XPO4: variants seen among roughly 807,000 people sequenced by gnomAD.
The protein encoded by XPO4 is exportin 4.
A neutral mutation model predicts 143.0 loss-of-function variants in XPO4; 39 were observed. The observed-to-expected ratio is 0.27, with a 90% CI of 0.21 to 0.36. XPO4 has a LOEUF of 0.36. Among genes scored for constraint, XPO4 ranks in the 10% least tolerant of loss-of-function variants. The probability of loss-of-function intolerance (pLI) is 1.00; values close to 1 mark genes in which losing one functional copy is unlikely to be tolerated. For synonymous variants in XPO4, 439 were observed against 474.0 expected (o/e 0.93, Z 0.96); for missense variants, 907 against 1,348.0 (o/e 0.67, Z 5.12).
At chr13:20,862,592 TG>T in intron 3 of XPO4, 124 bp downstream of exon 3, 1 of 1,198,548 alleles carries the variant, frequency 8.3e-7, no homozygotes, top group Non-Finnish European at 1.2e-6. Context: ...CCTCCCAAAG[TG>T]GAGATTATAG....
chr13:20,808,830 A>G (rs553848752), intron 11 of XPO4, among the ~76,000 whole-genome samples: 4 of 152,204 alleles, frequency 2.6e-5, no homozygotes, highest in Admixed American at 2.6e-4. Flanking sequence ...GGTTATTCCA[A>G]GTTTTTACTG....
At chr13:20,890,444 T>C (rs2060501020) in intron 1 of XPO4, among the ~76,000 whole-genome samples, 1 of 150,580 alleles carries the variant, frequency 6.6e-6, no homozygotes, top group South Asian at 2.1e-4. Context: ...AGCAAGACTC[T>C]GTCTAAAAAA....
At chr13:20,882,479 A>C (rs759184657) in intron 1 of XPO4, among the ~76,000 whole-genome samples, 3 of 152,128 alleles carry the variant, frequency 2.0e-5, no homozygotes, top group Non-Finnish European at 2.9e-5. Context: ...CATGCCATTC[A>C]TGAGGGATCC....
chr13:20,805,528 C>G (rs867752472), intron 13 of XPO4, among the ~76,000 whole-genome samples: 2 of 152,136 alleles, frequency 1.3e-5, no homozygotes, highest in African/African-American at 4.8e-5. Flanking sequence ...TGCTCTCCCC[C>G]CAGACACCTT....
At chr13:20,899,871 A>C (rs984620818) in intron 1 of XPO4, among the ~76,000 whole-genome samples, 2 of 152,232 alleles carry the variant, frequency 1.3e-5, no homozygotes, top group African/African-American at 4.8e-5. Context: ...CACTCTGTTT[A>C]AAATATGTAG....
At chr13:20,866,183 G>A (rs769939840) in intron 2 of XPO4, 54 of 985,134 alleles carry the variant, frequency 5.5e-5, no homozygotes, top group Non-Finnish European at 6.0e-5. Flanking sequence ...AAGTGAAGAA[G>A]TCTAAAAGTG....
chr13:20,787,669 T>C (rs2059223579), intron 20 of XPO4, 71 bp from the exon 21 acceptor site: 1 of 1,249,288 alleles, frequency 8.0e-7, no homozygotes, highest in South Asian at 1.3e-5. Context: ...AAATTATAGC[T>C]AGTATTAAAT....
In XPO4 at chr13:20,783,689, A is replaced by C. The variant is rs747858899; in HGVS notation, c.*33T>G. 6.2e-7 allele frequency: 1 copy of C among 1,608,182 alleles called. No homozygotes were observed. The highest frequency in any genetic ancestry group is 1.7e-5 in the Admixed American group (1 of 59,994). Reference sequence around the variant, plus strand: ...TTCAGCAATTCAGTGCACTTTGCAGAAAGGATCTAAATTAAGCATAAAGTT... The same window carrying C: ...TTCAGCAATTCAGTGCACTTTGCAGCAAGGATCTAAATTAAGCATAAAGTT... On this transcript the variant is annotated 3_prime_UTR_variant, in exon 23 of 23. Transcript: ENST00000255305.
chr13:20,897,294 C>T (rs9509426), intron 1 of XPO4, among the ~76,000 whole-genome samples: 64,756 of 151,956 alleles, frequency 0.43, 14,416 homozygotes, highest in Non-Finnish European at 0.49. Context: ...ATATCTACTA[C>T]ATAAATGCTC....
chr13:20,800,618 T>C (rs1035477179), intron 14 of XPO4, among the ~76,000 whole-genome samples: 2 of 152,190 alleles, frequency 1.3e-5, no homozygotes, highest in Admixed American at 6.5e-5. Flanking sequence ...ATAATCTGTA[T>C]CTTCAACAGC....
chr13:20,799,022 G>GAAAAAA, intron 16 of XPO4, 143 bp downstream of exon 16: 2 of 628,736 alleles, frequency 3.2e-6, no homozygotes, highest in South Asian at 4.0e-5. Context: ...CCCTATCTCA[G>GAAAAAA]AAAAAAAAAA....
rs1237081628 is a variant in XPO4 at position 20,777,526 on chromosome 13, T to C, written c.*6196A>G. The C allele has an allele frequency of 3.3e-5, 5 of 152,216 alleles. No individual in the cohort carries two copies. The highest frequency in any genetic ancestry group is 2.1e-4 in the South Asian group (1 of 4,834). The allele number at this position is 152,216 out of a possible 1,614,324, so 9.4% of individuals were successfully genotyped here. A position where few individuals can be genotyped will look rare whatever the true frequency, so the allele number is the denominator to read the frequency against. On this transcript the variant is annotated 3_prime_UTR_variant, in exon 23 of 23. Transcript: ENST00000255305. ...CTACCCTGCAGTCTACCAGTTCAAG[T>C]AGCTTTACCAGGTCAGTCCTTAGAA...
chr13:20,884,306 G>A (rs1461800921), intron 1 of XPO4, among the ~76,000 whole-genome samples: 1 of 152,178 alleles, frequency 6.6e-6, no homozygotes, highest in Non-Finnish European at 1.5e-5. Context: ...GAGCTCAGGA[G>A]GCAAAGGGTG....
At chr13:20,804,130 TATAC>T (rs1430726282) in intron 13 of XPO4, among the ~76,000 whole-genome samples, 1 of 141,982 alleles carries the variant, frequency 7.0e-6, no homozygotes, top group African/African-American at 2.6e-5. Context: ...ATACACTATA[TATAC>T]ATACACTATA....
At chr13:20,826,914 C>G (rs1437845578) in intron 7 of XPO4, among the ~76,000 whole-genome samples, 153 bp downstream of exon 7, 1 of 152,158 alleles carries the variant, frequency 6.6e-6, no homozygotes, top group East Asian at 1.9e-4. Flanking sequence ...TAGCAAGAAC[C>G]TTTTAAAATA....
rs115609322 is a variant in XPO4 at position 20,785,411 on chromosome 13, C to T, written c.3259-1492G>A. On this transcript the variant is annotated intron_variant, in intron 22 of 22. Transcript: ENST00000255305. ...AGGTGGCAAGGCATGGTGGCTCACA[C>T]CTGTAATCCTAGGCACTTTGGGAGG... 2.4e-3 allele frequency among the ~76,000 whole-genome samples: 368 copies of T among 152,136 alleles called. 3 individuals carry two copies. Among genetic ancestry groups the T allele is most frequent in the African/African-American group, 8.5e-3 (353 of 41,514 alleles).
chr13:20,801,098 G>C (rs2059426688), intron 13 of XPO4, 108 bp from the exon 14 acceptor site: 7 of 1,264,266 alleles, frequency 5.5e-6, no homozygotes. Flanking sequence ...TCTGGATTTA[G>C]GTCAGGCTAT....
At chr13:20,825,316 T>G (rs17058781) in intron 7 of XPO4, among the ~76,000 whole-genome samples, 8,990 of 152,256 alleles carry the variant, frequency 0.059, 794 homozygotes, top group African/African-American at 0.19. Flanking sequence ...CTTATCCAAA[T>G]CTAGCACAAG....
chr13:20,889,903 A>G (rs926102495), intron 1 of XPO4, among the ~76,000 whole-genome samples: 3 of 152,224 alleles, frequency 2.0e-5, no homozygotes, highest in Non-Finnish European at 4.4e-5. Flanking sequence ...CCATTTATAA[A>G]TCTAAAAATG....
Sources: allele counts gnomAD v4.1 joint callset (sites outside exome capture counted in the v4.1 genomes callset), GRCh38; gene constraint gnomAD v4.1.1; transcripts MANE v1.5; gene names NCBI Gene and HGNC (gene_info 2026-07-23, HGNC 2026-07-21).